The following PCDHGB1 variants were observed in gnomAD, a reference collection of about 807,000 sequenced individuals.
PCDHGB1 encodes the protein protocadherin gamma-B1.
In PCDHGB1, 34 loss-of-function variants were observed where a neutral mutation model predicts 56.6. That is an observed-to-expected ratio of 0.60 (90% confidence interval 0.46 to 0.80). PCDHGB1 has a LOEUF of 0.80. Among genes scored for constraint, PCDHGB1 ranks in the 30% least tolerant of loss-of-function variants. The pLI, the probability that PCDHGB1 is intolerant of heterozygous loss-of-function variation, is 0.00. For synonymous variants in PCDHGB1, 561 were observed against 505.9 expected, an observed-to-expected ratio of 1.11 and a Z score of -1.46; for missense variants, 1,278 against 1,204.6, an observed-to-expected ratio of 1.06 and a Z score of -0.90.
intron 1 of PCDHGB1, chr5:141,383,999 C>A: frequency 1.2e-6 from 2 of 1,613,800 alleles, no homozygotes; most frequent in Non-Finnish European, 1.7e-6. Context: ...ACAGTCATTG[C>A]TCTTTTCTAC....
chr5:141,479,342 G>A (rs926832955), intron 1 of PCDHGB1: 1 of 152,486 alleles, frequency 6.6e-6, no homozygotes, highest in Admixed American at 6.5e-5. Flanking sequence ...TGCACCTGTA[G>A]TTCTTGCTGC....
At chr5:141,422,745 C>G (rs1380262961) in intron 1 of PCDHGB1, 15 of 1,610,564 alleles carry the variant, frequency 9.3e-6, no homozygotes, top group Non-Finnish European at 1.3e-5. Flanking sequence ...CCTCCTATGT[C>G]TCTATTAACT....
chr5:141,398,222 A>C, intron 1 of PCDHGB1: 2 of 1,483,320 alleles, frequency 1.3e-6, no homozygotes, highest in Non-Finnish European at 1.8e-6. Flanking sequence ...CTCTGTGAGC[A>C]GATCCGCTAC....
chr5:141,372,514 T>C lies in PCDHGB1; in HGVS notation c.2409+19845T>C. ...ATCTCAGTGCTCTTCCTCCTCGCGG[T>C]GATTCTGGCAATCTCCCTGCGCCTG... On this transcript the variant is annotated intron_variant, in intron 1 of 3. Coordinates refer to ENST00000523390, the MANE Select transcript of PCDHGB1 (RefSeq NM_018922.3). 5 of 1,614,028 alleles carry C rather than the reference T, an allele frequency of 3.1e-6. No individual in the cohort carries two copies. The South Asian group carries it at 4.4e-5, about 14-fold the overall frequency.
chr5:141,503,812 G>C (rs2099831825), intron 2 of PCDHGB1, among the ~76,000 whole-genome samples: 1 of 152,114 alleles, frequency 6.6e-6, no homozygotes, highest in South Asian at 2.1e-4. Context: ...GGGAATCCCA[G>C]ATTGGGCAAA....
intron 1 of PCDHGB1, chr5:141,414,814 A>C (rs1368279926): frequency 6.2e-7 from 1 of 1,614,100 alleles, no homozygotes; most frequent in African/African-American, 1.3e-5. Flanking sequence ...TCCTCCACTC[A>C]GCAGCAACGT....
At chr5:141,429,945 T>C (rs1443623730) in intron 1 of PCDHGB1, among the ~76,000 whole-genome samples, 1 of 152,222 alleles carries the variant, frequency 6.6e-6, no homozygotes, top group East Asian at 1.9e-4. Flanking sequence ...ACTTCCATTA[T>C]TTCCAGTCAA....
intron 1 of PCDHGB1, chr5:141,433,331 C>G: frequency 1.4e-6 from 1 of 699,624 alleles, no homozygotes; most frequent in South Asian, 1.9e-5. Context: ...GTAACAGGGA[C>G]TACAGGTGCA....
chr5:141,397,967 C>T (rs931333276), intron 1 of PCDHGB1: 2 of 1,110,472 alleles, frequency 1.8e-6, no homozygotes, highest in Non-Finnish European at 2.5e-6. Context: ...CTCAGACTCC[C>T]CAGCGCCGGC....
rs907427230 is a variant in PCDHGB1, at chr5:141,489,936, G to A, written c.2410-4871G>A. 4 of 1,614,096 alleles carry A rather than the reference G, an allele frequency of 2.5e-6. No homozygotes were observed. In the African/African-American group the frequency reaches 5.3e-5, roughly 22 times the overall value. ...GGACCACCCTTATCTCTGTCATCGT[G>A]CTGGACATCAATGATAATGCTCCAA... is the stretch of plus-strand genomic sequence containing the variant. On this transcript the variant is annotated intron_variant, in intron 1 of 3. Coordinates refer to ENST00000523390, the MANE Select transcript of PCDHGB1 (RefSeq NM_018922.3). This position sits in a 1 kb window ranked among gnomAD's most constrained non-coding sequence, Gnocchi z 4.5.
intron 2 of PCDHGB1, among the ~76,000 whole-genome samples, chr5:141,498,352 CA>C: frequency 6.6e-6 from 1 of 151,890 alleles, no homozygotes; most frequent in African/African-American, 2.4e-5. Flanking sequence ...AAAGCCTATG[CA>C]AAAGCCTTGT....
chr5:141,469,410 A>G (rs2099200490), intron 1 of PCDHGB1, among the ~76,000 whole-genome samples: 1 of 152,128 alleles, frequency 6.6e-6, no homozygotes, highest in Non-Finnish European at 1.5e-5. Context: ...CCCCGTTTCT[A>G]CTAAAAATAT....
chr5:141,400,155 A>C lies in PCDHGB1; in HGVS notation c.2409+47486A>C, dbSNP rs756922498. The C allele has an allele frequency of 5.0e-6, 8 of 1,613,966 alleles. 1 individual carries two copies. The South Asian group carries it at 6.6e-5, about 13-fold the overall frequency. ...TGCCGGATATCACTGACCGCCCTGT[A>C]CCCTCTGACCCCCAGGCTGAGCTGC... On this transcript the variant is annotated intron_variant, in intron 1 of 3. Transcript: ENST00000523390.
intron 1 of PCDHGB1, chr5:141,375,974 G>T: frequency 6.2e-7 from 1 of 1,613,354 alleles, no homozygotes; most frequent in Non-Finnish European, 8.5e-7. Context: ...CACGGCGCGC[G>T]CCCTGCTGGA....
At chr5:141,502,472 A>T (rs1450967250) in intron 2 of PCDHGB1, among the ~76,000 whole-genome samples, 1 of 150,886 alleles carries the variant, frequency 6.6e-6, no homozygotes, top group Non-Finnish European at 1.5e-5. Flanking sequence ...TACTTCCCGC[A>T]GCATCACACT....
At position 141,352,542 on chromosome 5, in the gene PCDHGB1, T is replaced by G; in HGVS notation, c.2282T>G (p.Phe761Cys). The stretch of plus-strand genomic sequence containing the variant: ...GCCTCTCATTCTGCAAAGACAGAGT[T>G]TAATTCTCTCAACCTGACACCGGAA... ...CIASHSAKTE[F>C]NSLNLTPEMA... is the part of the protein sequence containing the mutation. The change falls in exon 1 of 4, where the codon TTT (phenylalanine) becomes TGT (cysteine). Residue 761 changes from phenylalanine (F) to cysteine (C), a missense_variant. Physicochemically the swap from Phe to Cys is radical, Grantham distance 205. Transcript: ENST00000523390. 3.1e-6 allele frequency: 5 copies of G among 1,613,962 alleles called. No homozygotes were observed. The South Asian group carries it at 4.4e-5, about 14-fold the overall frequency.
At chr5:141,473,682 G>A (rs2099326903) in intron 1 of PCDHGB1, among the ~76,000 whole-genome samples, 1 of 152,186 alleles carries the variant, frequency 6.6e-6, no homozygotes, top group Admixed American at 6.5e-5. Context: ...GGGAAGGGCT[G>A]GGGTTCTGAC....
intron 1 of PCDHGB1, among the ~76,000 whole-genome samples, chr5:141,453,679 T>C (rs960698192): frequency 2.0e-5 from 3 of 152,230 alleles, no homozygotes; most frequent in Non-Finnish European, 2.9e-5. Context: ...GGTAACACAC[T>C]ATGTAGGTAG....
chr5:141,487,031 G>A lies in PCDHGB1; in HGVS notation c.2410-7776G>A, dbSNP rs749130369. 1.2e-6 allele frequency: 2 copies of A among 1,614,182 alleles called. No homozygotes were observed. Among genetic ancestry groups the A allele is most frequent in the Non-Finnish European group, 1.7e-6 (2 of 1,180,028 alleles). On this transcript the variant is annotated intron_variant, in intron 1 of 3. Coordinates refer to ENST00000523390, the MANE Select transcript of PCDHGB1 (RefSeq NM_018922.3). The surrounding 1 kb of genome is among the most constrained non-coding windows in gnomAD (Gnocchi z 5.0). ...GGAGGCCCCAGATCCCAGCCTGTTT[G>A]CAGTCTCTCGATATGCTGGGGAGGT...
Sources: allele counts gnomAD v4.1 joint callset (sites outside exome capture counted in the v4.1 genomes callset), GRCh38; gene constraint gnomAD v4.1.1; non-coding constraint Gnocchi (gnomAD v3.1); transcripts MANE v1.5; gene names NCBI Gene and HGNC (gene_info 2026-07-23, HGNC 2026-07-21).